Variants in ETV6 observed in about 807,000 individuals in gnomAD.
The protein encoded by ETV6 is transcription factor ETV6.
A neutral mutation model predicts 51.1 loss-of-function variants in ETV6; 16 were observed. That is an observed-to-expected ratio of 0.31 (90% CI 0.21 to 0.48). The LOEUF (loss-of-function observed/expected upper bound fraction) is 0.48, where lower values mean the gene tolerates loss of function less well. Among genes scored for constraint, ETV6 ranks in the 20% least tolerant of loss-of-function variants. ETV6 has a pLI of 0.99. For missense variants in ETV6, 458 were observed against 594.8 expected, an observed-to-expected ratio of 0.77 and a Z score of 2.39; for synonymous variants, 240 against 224.1, an observed-to-expected ratio of 1.07 and a Z score of -0.64.
intron 1 of ETV6, among the ~76,000 whole-genome samples, chr12:11,733,376 G>C (rs996169595): frequency 7.8e-6 from 1 of 128,188 alleles, no homozygotes; most frequent in East Asian, 2.4e-4. Flanking sequence ...CCACTGCAGT[G>C]CAGCCTGGGA....
intron 7 of ETV6, among the ~76,000 whole-genome samples, chr12:11,888,477 C>A (rs188096551): frequency 6.6e-6 from 1 of 150,888 alleles, no homozygotes; most frequent in African/African-American, 2.4e-5. Context: ...CTCACTGGAA[C>A]CTCCACCTCC....
chr12:11,833,241 CAT>C (rs1946268913), intron 2 of ETV6, among the ~76,000 whole-genome samples: 2 of 152,092 alleles, frequency 1.3e-5, no homozygotes, highest in African/African-American at 4.8e-5. Context: ...ATATCATCAT[CAT>C]GTGTATAATT....
chr12:11,823,469 CTT>C (rs756553588), intron 2 of ETV6, among the ~76,000 whole-genome samples: 52 of 137,448 alleles, frequency 3.8e-4, no homozygotes, highest in Non-Finnish European at 4.6e-4. Flanking sequence ...TCCTTTTTTT[CTT>C]TTTTTTTTTT....
chr12:11,858,525 G>C (rs1297872041), intron 4 of ETV6, among the ~76,000 whole-genome samples: 1 of 152,082 alleles, frequency 6.6e-6, no homozygotes, highest in Non-Finnish European at 1.5e-5. Context: ...AATGAGACCA[G>C]CTCCACAGAA....
chr12:11,875,638 G>C (rs1299994179), intron 5 of ETV6, among the ~76,000 whole-genome samples: 1 of 152,164 alleles, frequency 6.6e-6, no homozygotes, highest in Admixed American at 6.5e-5. Flanking sequence ...AGGTAGAAGG[G>C]CCTTTTACAG....
chr12:11,865,166 G>A (rs1471953583), intron 4 of ETV6, among the ~76,000 whole-genome samples: 1 of 151,610 alleles, frequency 6.6e-6, no homozygotes, highest in Non-Finnish European at 1.5e-5. Context: ...CAGGAGAATG[G>A]CGTGAACCCG....
chr12:11,684,618 C>T (rs531702371), intron 1 of ETV6, among the ~76,000 whole-genome samples: 108 of 152,304 alleles, frequency 7.1e-4, no homozygotes, highest in African/African-American at 2.4e-3. Flanking sequence ...CTCACCCTTC[C>T]CCTTCCCTAT....
chr12:11,671,950 A>C (rs201378180), intron 1 of ETV6, among the ~76,000 whole-genome samples: 20 of 146,354 alleles, frequency 1.4e-4, no homozygotes, highest in Admixed American at 6.8e-4. Flanking sequence ...AAAAAAAAAA[A>C]CACAAATCAG....
At chr12:11,783,785 G>T (rs968603525) in intron 2 of ETV6, among the ~76,000 whole-genome samples, 1 of 152,168 alleles carries the variant, frequency 6.6e-6, no homozygotes, top group Non-Finnish European at 1.5e-5. Context: ...TTTGTATGGG[G>T]GCAGGCTTCA....
At chr12:11,695,988 A>AC in intron 1 of ETV6, among the ~76,000 whole-genome samples, 1 of 151,998 alleles carries the variant, frequency 6.6e-6, no homozygotes, top group East Asian at 1.9e-4. Flanking sequence ...AGAGATGAGG[A>AC]CCCCTAAGGC....
chr12:11,780,428 C>A, intron 2 of ETV6, among the ~76,000 whole-genome samples: 1 of 151,874 alleles, frequency 6.6e-6, no homozygotes, highest in Admixed American at 6.6e-5. Flanking sequence ...TTGCAAATAA[C>A]AACAAAAAGC....
At chr12:11,803,354 A>G (rs1339844523) in intron 2 of ETV6, among the ~76,000 whole-genome samples, 2 of 152,228 alleles carry the variant, frequency 1.3e-5, no homozygotes, top group Non-Finnish European at 2.9e-5. Flanking sequence ...TAGAAAATAG[A>G]GACCATAATA....
chr12:11,855,966 G>T (rs80046954), intron 4 of ETV6, among the ~76,000 whole-genome samples: 5,034 of 152,278 alleles, frequency 0.033, 111 homozygotes, highest in Middle Eastern at 0.068. Context: ...GATACAAAGG[G>T]TATGTGATGG....
chr12:11,693,325 T>A (rs1356039338), intron 1 of ETV6, among the ~76,000 whole-genome samples: 1 of 152,200 alleles, frequency 6.6e-6, no homozygotes, highest in African/African-American at 2.4e-5. Flanking sequence ...AGGGAAGTCA[T>A]GCAGTACTTG....
chr12:11,741,774 T>C (rs186639279), intron 1 of ETV6, among the ~76,000 whole-genome samples: 3 of 152,356 alleles, frequency 2.0e-5, no homozygotes, highest in Admixed American at 6.5e-5. Flanking sequence ...TTAATAAGGT[T>C]TCTAAAACCT....
At chr12:11,680,618 GT>G (rs2120742148) in intron 1 of ETV6, among the ~76,000 whole-genome samples, 1 of 152,336 alleles carries the variant, frequency 6.6e-6, no homozygotes, top group Non-Finnish European at 1.5e-5. Context: ...ATAGCAAAGT[GT>G]TTGCTAAAAT....
intron 4 of ETV6, among the ~76,000 whole-genome samples, chr12:11,855,840 C>T (rs187722426): frequency 1.3e-5 from 2 of 152,296 alleles, no homozygotes; most frequent in East Asian, 3.9e-4. Context: ...TTTTGCTCTT[C>T]CTGCCATGTG....
intron 2 of ETV6, among the ~76,000 whole-genome samples, chr12:11,801,402 CA>C (rs1342934589): frequency 1.3e-5 from 2 of 152,164 alleles, no homozygotes; most frequent in Admixed American, 6.5e-5. Flanking sequence ...GATGTAACCC[CA>C]AAATTTAAGT....
chr12:11,773,927 C>T (rs898157152), intron 2 of ETV6, among the ~76,000 whole-genome samples: 1 of 152,192 alleles, frequency 6.6e-6, no homozygotes, highest in Non-Finnish European at 1.5e-5. Flanking sequence ...CCTGCTGCTG[C>T]GCTGGCTGGC....
Sources: gnomAD v4.1 joint callset for allele counts (sites outside exome capture counted in the v4.1 genomes callset) on GRCh38, gnomAD v4.1.1 for gene constraint, MANE v1.5 for transcripts, NCBI Gene and HGNC (gene_info 2026-07-23, HGNC 2026-07-21) for gene names.